Variants in IFT25 observed in about 807,000 individuals in gnomAD.
The protein encoded by IFT25 is intraflagellar transport protein 25 homolog.
chr1:53,926,714 C>T, the IFT25 span, among the ~76,000 whole-genome samples: 3 of 151,758 alleles, frequency 2.0e-5, no homozygotes, highest in African/African-American at 7.3e-5. Context: ...CAATGTCCCA[C>T]ATTCTAGATT....
At chr1:53,934,240 G>C in the IFT25 span, among the ~76,000 whole-genome samples, 1 of 152,018 alleles carries the variant, frequency 6.6e-6, no homozygotes, top group Non-Finnish European at 1.5e-5. Context: ...TTCATTTTTG[G>C]AAGATAGTTT....
chr1:53,940,590 T>C, the IFT25 span, among the ~76,000 whole-genome samples: 1 of 152,188 alleles, frequency 6.6e-6, no homozygotes, highest in East Asian at 1.9e-4. Flanking sequence ...TTTCCAGAGA[T>C]ACATTCTAAA....
chr1:53,942,856 G>A, the IFT25 span, among the ~76,000 whole-genome samples: 455 of 152,312 alleles, frequency 3.0e-3, 1 homozygote, highest in African/African-American at 0.011. Context: ...AGTACAATAT[G>A]CTATGTGCTA....
At chr1:53,921,661 A>G in the IFT25 span, 39 of 1,589,520 alleles carry the variant, frequency 2.5e-5, no homozygotes, top group Non-Finnish European at 3.4e-5. Context: ...TTATGAGGAA[A>G]GATTTGAGAC....
chr1:53,927,462 C>T, the IFT25 span, among the ~76,000 whole-genome samples: 1 of 152,148 alleles, frequency 6.6e-6, no homozygotes, highest in Non-Finnish European at 1.5e-5. Context: ...ATTTTCAACT[C>T]CATGTCTCAC....
chr1:53,930,226 TA>T, the IFT25 span: 1 of 1,293,030 alleles, frequency 7.7e-7, no homozygotes, highest in Non-Finnish European at 1.0e-6. Context: ...ACCTGTTTTT[TA>T]AAATTAAATG....
At chr1:53,924,588 G>A in the IFT25 span, among the ~76,000 whole-genome samples, 18 of 152,304 alleles carry the variant, frequency 1.2e-4, no homozygotes, top group African/African-American at 3.8e-4. Flanking sequence ...TGTAATCCCA[G>A]CACTTTGGGA....
chr1:53,928,531 C>T, the IFT25 span: 4 of 867,982 alleles, frequency 4.6e-6, no homozygotes, highest in Admixed American at 3.9e-5. Flanking sequence ...GATTATCATG[C>T]ACAGTGGAAC....
the IFT25 span, among the ~76,000 whole-genome samples, chr1:53,934,227 A>G: frequency 1.3e-5 from 2 of 152,140 alleles, no homozygotes; most frequent in Admixed American, 6.6e-5. Context: ...CCTTTATCCT[A>G]TCTTCATTTT....
At chr1:53,938,719 T>A in the IFT25 span, among the ~76,000 whole-genome samples, 1 of 152,172 alleles carries the variant, frequency 6.6e-6, no homozygotes, top group Non-Finnish European at 1.5e-5. Context: ...TGAGTCAAAC[T>A]CTGTTCATTG....
the IFT25 span, chr1:53,930,275 C>A: frequency 2.4e-6 from 2 of 838,238 alleles, no homozygotes; most frequent in Non-Finnish European, 3.5e-6. Flanking sequence ...GTTAATTCTG[C>A]CTCTAATCTC....
the IFT25 span, among the ~76,000 whole-genome samples, chr1:53,933,844 A>T: frequency 4.6e-5 from 7 of 151,762 alleles, no homozygotes; most frequent in African/African-American, 1.7e-4. Context: ...AATTCCATTT[A>T]ATTCCTCTAT....
the IFT25 span, chr1:53,916,863 C>T: frequency 2.8e-5 from 11 of 395,492 alleles, no homozygotes; most frequent in African/African-American, 4.1e-5. Context: ...TTTTCCGGGC[C>T]GGGCGCAGTG....
At chr1:53,921,887 A>C in the IFT25 span, 3 of 650,548 alleles carry the variant, frequency 4.6e-6, no homozygotes, top group South Asian at 5.5e-5. Flanking sequence ...ACAACACATA[A>C]GGCCAGCTAC....
the IFT25 span, chr1:53,928,448 T>C: frequency 2.5e-6 from 4 of 1,602,990 alleles, no homozygotes; most frequent in East Asian, 4.5e-5. Context: ...GTACTAACAT[T>C]GTAAACAAAG....
At chr1:53,939,035 T>C in the IFT25 span, among the ~76,000 whole-genome samples, 14 of 131,292 alleles carry the variant, frequency 1.1e-4, no homozygotes, top group South Asian at 1.7e-3. Flanking sequence ...GATCGTGCCA[T>C]TGCACTCCAG....
the IFT25 span, among the ~76,000 whole-genome samples, chr1:53,932,104 C>A: frequency 0.046 from 7,073 of 152,266 alleles, 521 homozygotes; most frequent in African/African-American, 0.16. Context: ...GTAATCCCAG[C>A]ACTCTGGGAG....
At chr1:53,941,455 CTATTA>C in the IFT25 span, among the ~76,000 whole-genome samples, 1 of 152,182 alleles carries the variant, frequency 6.6e-6, no homozygotes, top group African/African-American at 2.4e-5. Context: ...AGTTCACTTT[CTATTA>C]TATTTTAAAA....
the IFT25 span, among the ~76,000 whole-genome samples, chr1:53,920,119 T>C: frequency 6.6e-6 from 1 of 152,186 alleles, no homozygotes; most frequent in Non-Finnish European, 1.5e-5. Flanking sequence ...TCTCTAATTC[T>C]ATCATATCTT....
Sources: allele counts gnomAD v4.1 joint callset (sites outside exome capture counted in the v4.1 genomes callset), GRCh38; gene constraint gnomAD v4.1.1; transcripts MANE v1.5; gene names NCBI Gene and HGNC (gene_info 2026-07-23, HGNC 2026-07-21).